ISOC1: variants seen among roughly 807,000 people sequenced by gnomAD.
The protein encoded by ISOC1 is isochorismatase domain-containing protein 1.
Under a neutral mutation model 30.0 loss-of-function variants are expected in ISOC1, and 33 were observed. The ratio of observed to expected loss-of-function variants is 1.10; its 90% CI spans 0.83 to 1.47. The LOEUF (loss-of-function observed/expected upper bound fraction) is 1.47. ISOC1 is among the 40% of genes most tolerant of loss of function. The pLI, the probability that ISOC1 is intolerant of heterozygous loss-of-function variation, is 0.00. For missense variants in ISOC1, 372 were observed against 388.0 expected, an observed-to-expected ratio of 0.96 and a Z score of 0.35; for synonymous variants, 178 against 159.8, an observed-to-expected ratio of 1.11 and a Z score of -0.86.
intron 1 of ISOC1, among the ~76,000 whole-genome samples, chr5:129,096,414 G>A (rs1753502069): frequency 6.6e-6 from 1 of 152,084 alleles, no homozygotes; most frequent in African/African-American, 2.4e-5. Flanking sequence ...CCCAACACCT[G>A]TGCCAGAAGT....
At chr5:129,095,958 T>G (rs533241282) in intron 1 of ISOC1, among the ~76,000 whole-genome samples, 1 of 152,358 alleles carries the variant, frequency 6.6e-6, no homozygotes, top group South Asian at 2.1e-4. Context: ...ATATCATTTC[T>G]TTAGCTGAGA....
intron 4 of ISOC1, among the ~76,000 whole-genome samples, chr5:129,108,062 C>T (rs1753659916): frequency 6.6e-6 from 1 of 152,108 alleles, no homozygotes; most frequent in African/African-American, 2.4e-5. Context: ...AATTTAATTG[C>T]TGAGTTCTTT....
chr5:129,107,235 T>C (rs927727749), intron 4 of ISOC1, among the ~76,000 whole-genome samples, 173 bp downstream of exon 4: 2 of 152,220 alleles, frequency 1.3e-5, no homozygotes, highest in African/African-American at 4.8e-5. Context: ...TTCACCACCA[T>C]ATCCTATTTT....
At chr5:129,095,105 C>G (rs1207886852) in intron 1 of ISOC1, 30 bp downstream of exon 1, 1 of 1,515,182 alleles carries the variant, frequency 6.6e-7, no homozygotes, top group East Asian at 2.5e-5. Flanking sequence ...GCGCGCTTCC[C>G]TGTTCCCGAG....
chr5:129,104,804 CTGTAATTCAGA>C, intron 1 of ISOC1, 141 bp from the exon 2 acceptor site: 1 of 663,784 alleles, frequency 1.5e-6, no homozygotes, highest in Admixed American at 3.6e-5. Flanking sequence ...TTTTTTTTTC[CTGTAATTCAGA>C]TACTTTTTTT....
intron 1 of ISOC1, among the ~76,000 whole-genome samples, chr5:129,099,823 C>A (rs929879270): frequency 3.9e-5 from 6 of 152,134 alleles, no homozygotes; most frequent in African/African-American, 1.4e-4. Context: ...ATATGAAGCC[C>A]ATTTAATCCT....
In ISOC1 at chr5:129,094,950, A is replaced by G; in HGVS notation, c.184A>G (p.Ile62Val). 4.3e-6 allele frequency: 7 copies of G among 1,612,264 alleles called. No individual in the cohort carries two copies. Among genetic ancestry groups the G allele is most frequent in the Non-Finnish European group, 5.9e-6 (7 of 1,179,834 alleles). Residue 62 changes from isoleucine to valine, a missense_variant, in exon 1 of 5, where the codon ATC (isoleucine) becomes GTC (valine). Transcript: ENST00000173527. ...GTTCCTCAGCCTGTACGGCGACCAG[A>G]TCGACATGCACCGCAAATTCGTGGT... ...QKFLSLYGDQ[I>V]DMHRKFVVQL...
chr5:129,113,126 T>C lies in ISOC1; in HGVS notation c.*125T>C. 1 of 845,456 alleles carries C rather than the reference T, an allele frequency of 1.2e-6. No homozygotes were observed. The highest frequency in any genetic ancestry group is 1.7e-6 in the Non-Finnish European group (1 of 576,798). 52.4% of individuals were successfully genotyped at this position (845,456 alleles called of 1,614,324 possible). ...GTTAAGTCAAAAACGGCTCCTTTTTTGCGCCTCCTAGTGAAACTTAACCAG... is the reference window on the plus strand; with the variant it reads ...GTTAAGTCAAAAACGGCTCCTTTTTCGCGCCTCCTAGTGAAACTTAACCAG... On this transcript the variant is annotated 3_prime_UTR_variant, in exon 5 of 5. Coordinates refer to ENST00000173527, the MANE Select transcript of ISOC1 (RefSeq NM_016048.2).
In ISOC1 at chr5:129,094,901, G is replaced by A. The variant is rs541313095; in HGVS notation, c.135G>A (p.Ala45=). The A allele has an allele frequency of 4.9e-5, 79 of 1,611,058 alleles. 2 individuals are homozygous for A. The South Asian group carries it at 7.3e-4, about 15-fold the overall frequency. Residue 45 remains alanine, a synonymous_variant, in exon 1 of 5, where the codon GCG becomes GCA. Transcript: ENST00000173527. ...FARPSSVPHG[A]GYELLIQKFL... ...GACCCTCGTCGGTGCCACACGGGGC[G>A]GGCTACGAGCTGCTCATCCAGAAGT...
intron 1 of ISOC1, among the ~76,000 whole-genome samples, chr5:129,096,621 G>A (rs1038332659): frequency 1.3e-5 from 2 of 152,112 alleles, no homozygotes; most frequent in Admixed American, 6.5e-5. Context: ...AAGCGTTTTC[G>A]TGTCTGACAC....
intron 1 of ISOC1, among the ~76,000 whole-genome samples, chr5:129,102,813 C>G (rs1460155041): frequency 6.6e-6 from 1 of 152,144 alleles, no homozygotes; most frequent in Non-Finnish European, 1.5e-5. Flanking sequence ...AGTTTCCTTT[C>G]TGATTTGCTG....
rs535904251 is a variant in ISOC1 at position 129,113,254 on chromosome 5, A to G, written c.*253A>G. On this transcript the variant is annotated 3_prime_UTR_variant, in exon 5 of 5. Transcript: ENST00000173527. Reference sequence around the variant, plus strand: ...GTGCTTTTATTTATTAAAAAAAATTACAATGAAGATGCCTGTTTTGTCTCT... The same window carrying G: ...GTGCTTTTATTTATTAAAAAAAATTGCAATGAAGATGCCTGTTTTGTCTCT... 2.7e-4 allele frequency: 90 copies of G among 336,668 alleles called. No homozygotes were observed. Among genetic ancestry groups the G allele is most frequent in the African/African-American group, 1.2e-3 (59 of 47,444 alleles). 20.9% of individuals were successfully genotyped at this position (336,668 alleles called of 1,614,324 possible).
intron 1 of ISOC1, 31 bp downstream of exon 1, chr5:129,095,106 T>C (rs1753478252): frequency 6.6e-7 from 1 of 1,508,820 alleles, no homozygotes; most frequent in East Asian, 2.5e-5. Context: ...CGCGCTTCCC[T>C]GTTCCCGAGT....
At chr5:129,101,161 C>CAA (rs1156603818) in intron 1 of ISOC1, among the ~76,000 whole-genome samples, 285 of 19,512 alleles carry the variant, frequency 0.015, 10 homozygotes, top group Middle Eastern at 0.1. Flanking sequence ...CTCAGCTAAT[C>CAA]AAAAAAAAAA....
At chr5:129,112,630 T>A (rs1753722958) in intron 4 of ISOC1, among the ~76,000 whole-genome samples, 1 of 151,984 alleles carries the variant, frequency 6.6e-6, no homozygotes, top group African/African-American at 2.4e-5. Flanking sequence ...ACCTGTTCCC[T>A]TTTACTCGTT....
At chr5:129,104,384 A>T (rs1429606065) in intron 1 of ISOC1, among the ~76,000 whole-genome samples, 1 of 151,904 alleles carries the variant, frequency 6.6e-6, no homozygotes, top group African/African-American at 2.4e-5. Context: ...GCAACATCAG[A>T]TTTTTTTTCT....
chr5:129,099,480 A>C (rs1231879514), intron 1 of ISOC1, among the ~76,000 whole-genome samples: 1 of 152,250 alleles, frequency 6.6e-6, no homozygotes, highest in Admixed American at 6.5e-5. Flanking sequence ...AGAGCCAATA[A>C]GTATTATTTC....
intron 4 of ISOC1, among the ~76,000 whole-genome samples, chr5:129,107,991 A>T (rs766050516): frequency 6.6e-6 from 1 of 151,286 alleles, no homozygotes; most frequent in South Asian, 2.1e-4. Context: ...TTGTCGTTTG[A>T]TCTCTCTCTC....
At chr5:129,111,976 C>G (rs1368600211) in intron 4 of ISOC1, among the ~76,000 whole-genome samples, 1 of 152,120 alleles carries the variant, frequency 6.6e-6, no homozygotes, top group Non-Finnish European at 1.5e-5. Flanking sequence ...TCTCCTGACA[C>G]AGAGAGAGCT....
Sources: gnomAD v4.1 joint callset for allele counts (sites outside exome capture counted in the v4.1 genomes callset) on GRCh38, gnomAD v4.1.1 for gene constraint, MANE v1.5 for transcripts, NCBI Gene and HGNC (gene_info 2026-07-23, HGNC 2026-07-21) for gene names.